The following ERC2 variants were observed in gnomAD, a reference collection of about 807,000 sequenced individuals.
ERC2 encodes ELKS/RAB6-interacting/CAST family member 2.
ERC2 carries 42 observed loss-of-function variants against 114.8 expected under a neutral mutation model. The observed-to-expected ratio is 0.37, with a 90% CI of 0.29 to 0.47. ERC2 has a LOEUF of 0.47. Among genes scored for constraint, ERC2 ranks in the 20% least tolerant of loss-of-function variants. ERC2 has a pLI of 0.99. For missense variants in ERC2, 939 were observed against 1,150.7 expected (o/e 0.82, Z 2.66); for synonymous variants, 454 against 425.5 (o/e 1.07, Z -0.82).
chr3:55,982,148 G>C (rs1234268401), intron 12 of ERC2, among the ~76,000 whole-genome samples: 1 of 152,146 alleles, frequency 6.6e-6, no homozygotes, highest in East Asian at 1.9e-4. Context: ...TGGCAGGACA[G>C]TTTTTCCCCA....
intron 17 of ERC2, among the ~76,000 whole-genome samples, chr3:55,597,457 C>A (rs2058200423): frequency 6.6e-6 from 1 of 151,514 alleles, no homozygotes. Context: ...CCTTACACAT[C>A]AAGGCCAATC....
At chr3:56,285,438 C>T (rs1012234239) in intron 3 of ERC2, among the ~76,000 whole-genome samples, 1 of 152,050 alleles carries the variant, frequency 6.6e-6, no homozygotes, top group African/African-American at 2.4e-5. Flanking sequence ...CAGCCCCACA[C>T]AACAATCACC....
intron 12 of ERC2, among the ~76,000 whole-genome samples, chr3:55,972,887 T>C (rs1175303748): frequency 1.3e-5 from 2 of 152,148 alleles, no homozygotes. Flanking sequence ...AAACGTATGC[T>C]CCAATATAGA....
intron 15 of ERC2, among the ~76,000 whole-genome samples, chr3:55,714,757 C>T (rs2148867726): frequency 7.0e-6 from 1 of 142,194 alleles, no homozygotes; most frequent in African/African-American, 2.6e-5. Flanking sequence ...ATAATTATTG[C>T]TGGGTATTTG....
Position 56,010,443 on chromosome 3 carries a change from A to T in ERC2, c.1920+6T>A. 6.2e-7 allele frequency: 1 copy of T among 1,611,692 alleles called. No homozygotes were observed. The highest frequency in any genetic ancestry group is 8.5e-7 in the Non-Finnish European group (1 of 1,179,112). On this transcript the variant is annotated splice_donor_region_variant and intron_variant, in intron 9 of 17. Coordinates refer to ENST00000288221, the MANE Select transcript of ERC2 (RefSeq NM_015576.3). ...CAATGTGGTTCATTTGTTTTTCCAGACTCACCTCTTTCTCAGTCAGTTCAG... is the reference window on the plus strand; with the variant it reads ...CAATGTGGTTCATTTGTTTTTCCAGTCTCACCTCTTTCTCAGTCAGTTCAG...
At chr3:56,219,001 G>T (rs148917262) in intron 3 of ERC2, among the ~76,000 whole-genome samples, 2 of 152,026 alleles carry the variant, frequency 1.3e-5, no homozygotes, top group African/African-American at 2.4e-5. Flanking sequence ...GGGTGGTTTG[G>T]GGGGAGGGAT....
intron 7 of ERC2, among the ~76,000 whole-genome samples, chr3:56,039,215 T>G (rs2074989065): frequency 6.6e-6 from 1 of 151,938 alleles, no homozygotes; most frequent in Non-Finnish European, 1.5e-5. Context: ...ACCCTGAAAC[T>G]TAAAATAAAA....
intron 6 of ERC2, among the ~76,000 whole-genome samples, chr3:56,097,520 T>A (rs1329244605): frequency 4.6e-5 from 7 of 152,156 alleles, no homozygotes; most frequent in Non-Finnish European, 1.5e-5. Flanking sequence ...ATAAATCAAT[T>A]TACTGTGTAA....
At chr3:56,148,267 T>C (rs976623981) in intron 5 of ERC2, among the ~76,000 whole-genome samples, 7 of 152,190 alleles carry the variant, frequency 4.6e-5, no homozygotes, top group African/African-American at 1.4e-4. Flanking sequence ...TTAAACACTA[T>C]GCTAAAACCA....
At chr3:55,726,799 GGT>G (rs1383735865) in intron 15 of ERC2, among the ~76,000 whole-genome samples, 1 of 152,160 alleles carries the variant, frequency 6.6e-6, no homozygotes, top group African/African-American at 2.4e-5. Context: ...CTAGTCTCCT[GGT>G]CTTAATGCCT....
intron 7 of ERC2, among the ~76,000 whole-genome samples, chr3:56,032,885 A>G (rs200644704): frequency 0.048 from 3,699 of 77,664 alleles, 108 homozygotes; most frequent in East Asian, 0.076. Context: ...GAAAGAAAGA[A>G]AGAGAGAGAG....
At chr3:56,223,138 T>C (rs932985220) in intron 3 of ERC2, among the ~76,000 whole-genome samples, 3 of 152,248 alleles carry the variant, frequency 2.0e-5, no homozygotes, top group Non-Finnish European at 4.4e-5. Context: ...TAGACAAATG[T>C]AGCTCTGTGG....
chr3:56,021,818 T>C (rs1323471771), intron 7 of ERC2, among the ~76,000 whole-genome samples: 4 of 152,200 alleles, frequency 2.6e-5, no homozygotes, highest in Non-Finnish European at 5.9e-5. Flanking sequence ...TAAGAACATG[T>C]GGTATTTGGT....
intron 13 of ERC2, among the ~76,000 whole-genome samples, chr3:55,936,408 T>A (rs899222051): frequency 6.6e-6 from 1 of 152,212 alleles, no homozygotes; most frequent in Non-Finnish European, 1.5e-5. Context: ...AAAGTGCCTA[T>A]GTGCTCATGG....
chr3:56,038,846 C>G (rs1196719183), intron 7 of ERC2, among the ~76,000 whole-genome samples: 1 of 152,170 alleles, frequency 6.6e-6, no homozygotes, highest in African/African-American at 2.4e-5. Flanking sequence ...GAAAACCAAA[C>G]ACTGCATGTT....
chr3:56,390,893 TG>T (rs1318639582), intron 2 of ERC2, among the ~76,000 whole-genome samples: 1 of 152,064 alleles, frequency 6.6e-6, no homozygotes, highest in Non-Finnish European at 1.5e-5. Flanking sequence ...CACTTAAGGG[TG>T]GACTGTGACA....
intron 14 of ERC2, among the ~76,000 whole-genome samples, chr3:55,781,876 GAAA>G (rs532360945): frequency 3.7e-5 from 3 of 81,258 alleles, no homozygotes; most frequent in African/African-American, 1.1e-4. Context: ...CAGCCTCACA[GAAA>G]AAAAAAAAAA....
chr3:56,459,708 G>C (rs370799972), intron 1 of ERC2, among the ~76,000 whole-genome samples: 4 of 152,162 alleles, frequency 2.6e-5, no homozygotes, highest in Non-Finnish European at 4.4e-5. Context: ...TTCATCCAGT[G>C]GGGCTATAAT....
intron 3 of ERC2, among the ~76,000 whole-genome samples, chr3:56,254,341 T>C (rs962490430): frequency 4.6e-5 from 7 of 152,140 alleles, no homozygotes; most frequent in African/African-American, 1.7e-4. Flanking sequence ...ACCCCTTTTT[T>C]TTTTCACTTT....
Sources: allele counts gnomAD v4.1 joint callset (sites outside exome capture counted in the v4.1 genomes callset), GRCh38; gene constraint gnomAD v4.1.1; transcripts MANE v1.5; gene names NCBI Gene and HGNC (gene_info 2026-07-23, HGNC 2026-07-21).